Variants in ADGRL3 observed in about 807,000 individuals in gnomAD.
ADGRL3 encodes the protein adhesion G protein-coupled receptor L3.
In ADGRL3, 62 loss-of-function variants were observed where a neutral mutation model predicts 153.5. The ratio of observed to expected loss-of-function variants is 0.40; its 90% CI spans 0.33 to 0.50. The LOEUF is 0.50. Ranked by LOEUF, ADGRL3 falls within the 20% of genes least tolerant of loss-of-function variation. The probability of loss-of-function intolerance (pLI) is 0.47; values close to 1 mark genes in which losing one functional copy is unlikely to be tolerated. For synonymous variants in ADGRL3, 710 were observed against 672.5 expected (o/e 1.06, Z -0.86); for missense variants, 1,641 against 1,859.4 (o/e 0.88, Z 2.16).
intron 15 of ADGRL3, among the ~76,000 whole-genome samples, chr4:61,938,243 T>C (rs2150183640): frequency 6.6e-6 from 1 of 152,332 alleles, no homozygotes; most frequent in South Asian, 2.1e-4. Flanking sequence ...AAGTTTTTAA[T>C]GTCAACAAGA....
At chr4:61,714,923 T>C (rs976320472) in intron 6 of ADGRL3, among the ~76,000 whole-genome samples, 9 of 152,214 alleles carry the variant, frequency 5.9e-5, no homozygotes, top group Non-Finnish European at 1.2e-4. Flanking sequence ...GAATGCTATG[T>C]CACATAGTAA....
chr4:61,844,392 C>A (rs2098081620), intron 9 of ADGRL3, among the ~76,000 whole-genome samples: 1 of 149,560 alleles, frequency 6.7e-6, no homozygotes, highest in Admixed American at 6.7e-5. Flanking sequence ...ACTAAAAATG[C>A]AAAACTTAGC....
intron 5 of ADGRL3, among the ~76,000 whole-genome samples, chr4:61,590,002 A>G (rs2098962930): frequency 6.6e-6 from 1 of 152,074 alleles, no homozygotes; most frequent in Admixed American, 6.6e-5. Context: ...CTCTCATGCC[A>G]TTCTGTCCAC....
intron 4 of ADGRL3, among the ~76,000 whole-genome samples, chr4:61,523,054 T>A (rs936373061): frequency 3.5e-5 from 2 of 57,940 alleles, no homozygotes; most frequent in Non-Finnish European, 6.0e-5. Flanking sequence ...GTCTGAAAAT[T>A]GTGCGTGTGT....
Position 61,769,673 on chromosome 4 carries a change from T to G in ADGRL3, c.1399+36119T>G, listed in dbSNP as rs187608731. Among the ~76,000 whole-genome samples, 256 of 151,334 alleles carry G rather than the reference T, an allele frequency of 1.7e-3. 1 individual carries two copies. Among genetic ancestry groups the G allele is most frequent in the African/African-American group, 6.1e-3 (251 of 41,200 alleles). On this transcript the variant is annotated intron_variant, in intron 8 of 26. Transcript: ENST00000683033. ...TGAAGGGAGATAAGGGTGAGGCCGT[T>G]TTATAGGATTTGGGTAGGTAAAGGA...
Position 62,070,835 on chromosome 4 carries a change from T to G in ADGRL3, c.4559T>G (p.Val1520Gly). 3 of 1,551,682 alleles carry G rather than the reference T, an allele frequency of 1.9e-6. No individual in the cohort carries two copies. Among genetic ancestry groups the G allele is most frequent in the Non-Finnish European group, 2.6e-6 (3 of 1,146,952 alleles). The change falls in exon 27 of 27, where the codon GTT (valine) becomes GGT (glycine). Residue 1520 changes from valine to glycine, a missense_variant. Transcript: ENST00000683033. ...CGCGGCAGCAGTGATGGATTTATAG[T>G]TCCTCCAAACAAAGATGGGACCCCT... is the stretch of plus-strand genomic sequence containing the variant. ...LGRGSSDGFI[V>G]PPNKDGTPPE...
chr4:61,560,446 T>G (rs986608078), intron 4 of ADGRL3, among the ~76,000 whole-genome samples: 2 of 152,098 alleles, frequency 1.3e-5, no homozygotes, highest in African/African-American at 4.8e-5. Context: ...GAATCTAAAT[T>G]TCCAAAGTAC....
chr4:61,288,349 G>A (rs2094027249), intron 1 of ADGRL3, among the ~76,000 whole-genome samples: 1 of 146,136 alleles, frequency 6.8e-6, no homozygotes, highest in African/African-American at 2.5e-5. Flanking sequence ...AGTGGTCCCT[G>A]TGATGGTTTG....
chr4:61,562,245 A>G lies in ADGRL3; in HGVS notation c.260-24982A>G, dbSNP rs1448855456. Among the ~76,000 whole-genome samples the G allele has an allele frequency of 5.9e-5, 9 of 152,254 alleles. No individual in the cohort carries two copies. In the South Asian group the frequency reaches 1.2e-3, roughly 21 times the overall value. On this transcript the variant is annotated intron_variant, in intron 4 of 26. Coordinates refer to ENST00000683033, the MANE Select transcript of ADGRL3 (RefSeq NM_001387552.1). ...TCCTCTGAGCCTTTAGTGAGTTGTA[A>G]TCTTTTGGATGGTGGAGGATCTTTC...
intron 19 of ADGRL3, among the ~76,000 whole-genome samples, chr4:61,995,708 T>C (rs1316930369): frequency 6.6e-6 from 1 of 152,180 alleles, no homozygotes; most frequent in Non-Finnish European, 1.5e-5. Flanking sequence ...TTTTGGGTCA[T>C]GAATCAACTT....
At chr4:61,471,557 G>A (rs2097954300) in intron 2 of ADGRL3, among the ~76,000 whole-genome samples, 1 of 151,538 alleles carries the variant, frequency 6.6e-6, no homozygotes, top group Non-Finnish European at 1.5e-5. Flanking sequence ...TTTTGAAAAA[G>A]GCTACAGAAG....
At chr4:61,946,199 C>T (rs1302904095) in intron 15 of ADGRL3, among the ~76,000 whole-genome samples, 1 of 152,074 alleles carries the variant, frequency 6.6e-6, no homozygotes, top group Non-Finnish European at 1.5e-5. Context: ...TACGAGAGTT[C>T]CATTTCTTCC....
At chr4:61,872,205 C>A (rs370912647) in intron 9 of ADGRL3, among the ~76,000 whole-genome samples, 2 of 151,918 alleles carry the variant, frequency 1.3e-5, no homozygotes, top group South Asian at 2.1e-4. Flanking sequence ...TAGTGTGTGT[C>A]GGATGTGATG....
At chr4:61,463,498 T>C (rs1035328033) in intron 2 of ADGRL3, among the ~76,000 whole-genome samples, 1 of 152,160 alleles carries the variant, frequency 6.6e-6, no homozygotes, top group Non-Finnish European at 1.5e-5. Flanking sequence ...GGGGGAAATC[T>C]GCCCCATGAT....
intron 2 of ADGRL3, among the ~76,000 whole-genome samples, chr4:61,465,980 G>C (rs2097878193): frequency 6.6e-6 from 1 of 151,626 alleles, no homozygotes; most frequent in African/African-American, 2.4e-5. Flanking sequence ...ACATTAGCTA[G>C]ACGTGGCAGC....
intron 8 of ADGRL3, among the ~76,000 whole-genome samples, chr4:61,811,594 C>A (rs1328943240): frequency 6.6e-6 from 1 of 152,030 alleles, no homozygotes; most frequent in African/African-American, 2.4e-5. Flanking sequence ...ATATTAAAAA[C>A]TATTGAATTG....
chr4:62,057,850 T>A (rs1424674638), intron 25 of ADGRL3, among the ~76,000 whole-genome samples: 1 of 152,014 alleles, frequency 6.6e-6, no homozygotes, highest in Non-Finnish European at 1.5e-5. Context: ...GCCAATTTTT[T>A]TGTATTTTAG....
At chr4:61,663,054 T>G (rs2150611099) in intron 5 of ADGRL3, among the ~76,000 whole-genome samples, 1 of 152,328 alleles carries the variant, frequency 6.6e-6, no homozygotes, top group Admixed American at 6.5e-5. Context: ...CTCTTTGCTT[T>G]GCTCACCCTT....
rs557824357 is a variant in ADGRL3 at position 61,368,710 on chromosome 4, G to A, written c.-239-14414G>A. On this transcript the variant is annotated intron_variant, in intron 1 of 26. Transcript: ENST00000683033. ...TGGCTTAAGATTGACTTGGCAATGC[G>A]GGCTCTTTTTTGGTTCCATATGAAC... 4.5e-3 allele frequency among the ~76,000 whole-genome samples: 681 copies of A among 152,128 alleles called. 2 individuals are homozygous for A. The highest frequency in any genetic ancestry group is 6.9e-3 in the Non-Finnish European group (470 of 68,002).
Sources: gnomAD v4.1 joint callset for allele counts (sites outside exome capture counted in the v4.1 genomes callset) on GRCh38, gnomAD v4.1.1 for gene constraint, MANE v1.5 for transcripts, NCBI Gene and HGNC (gene_info 2026-07-23, HGNC 2026-07-21) for gene names.